Variants in OCA2 observed in about 807,000 individuals in gnomAD.
The protein encoded by OCA2 is OCA2 melanosomal transmembrane protein.
In OCA2, 77 loss-of-function variants were observed where a neutral mutation model predicts 100.2. That is an observed-to-expected ratio of 0.77 (90% CI 0.64 to 0.93). The LOEUF is 0.93. Among genes scored for constraint, OCA2 ranks in the 40% least tolerant of loss-of-function variants. The probability of loss-of-function intolerance (pLI) is 0.00; values close to 1 mark genes in which losing one functional copy is unlikely to be tolerated. For missense variants in OCA2, 1,062 were observed against 1,089.1 expected (o/e 0.98, Z 0.35); for synonymous variants, 432 against 439.2 (o/e 0.98, Z 0.21).
chr15:27,746,578 C>T, the OCA2 span, among the ~76,000 whole-genome samples: 36,191 of 152,110 alleles, frequency 0.24, 4,940 homozygotes, highest in East Asian at 0.62. Context: ...TCCTCTTCTG[C>T]GGAACAACCC....
intron 19 of OCA2, among the ~76,000 whole-genome samples, 179 bp from the exon 20 acceptor site, chr15:27,872,101 C>T (rs77925103): frequency 6.6e-6 from 1 of 152,108 alleles, no homozygotes; most frequent in Non-Finnish European, 1.5e-5. Context: ...ATATGCACAA[C>T]GAAGATTCAT....
chr15:27,868,073 G>A (rs1251269565), intron 21 of OCA2, among the ~76,000 whole-genome samples: 1 of 152,134 alleles, frequency 6.6e-6, no homozygotes, highest in South Asian at 2.1e-4. Context: ...AGCCAAACAC[G>A]GAGTGACCGA....
intron 2 of OCA2, among the ~76,000 whole-genome samples, chr15:28,052,752 A>C (rs1429413736): frequency 6.6e-6 from 1 of 152,246 alleles, no homozygotes; most frequent in African/African-American, 2.4e-5. Flanking sequence ...AGGCTTCGAC[A>C]AAATTCCAAA....
intron 2 of OCA2, among the ~76,000 whole-genome samples, chr15:28,077,864 G>A (rs190270857): frequency 2.0e-5 from 3 of 152,160 alleles, no homozygotes; most frequent in Admixed American, 1.3e-4. Context: ...GGTGGATCAC[G>A]AGGTCAGGAG....
In OCA2 at chr15:27,955,153, G is replaced by T; in HGVS notation, c.1842+5C>A. On this transcript the variant is annotated splice_donor_5th_base_variant and intron_variant, in intron 17 of 23. Transcript: ENST00000354638. ...AGAAATCCCTGAGGAAAGAAAGCTG[G>T]GTACCTTTTTTTGGAGTTCTTGGAT... 6.2e-7 allele frequency: 1 copy of T among 1,604,244 alleles called. No homozygotes were observed. The highest frequency in any genetic ancestry group is 8.5e-7 in the Non-Finnish European group (1 of 1,170,988).
chr15:27,734,847 T>C, the OCA2 span, among the ~76,000 whole-genome samples: 1 of 152,290 alleles, frequency 6.6e-6, no homozygotes, highest in East Asian at 1.9e-4. Flanking sequence ...TCTAAACAGG[T>C]TGACTGCTGA....
chr15:27,859,941 T>A (rs911068582), intron 21 of OCA2, among the ~76,000 whole-genome samples: 1 of 152,058 alleles, frequency 6.6e-6, no homozygotes, highest in Non-Finnish European at 1.5e-5. Flanking sequence ...AGGTTTTCTG[T>A]GAGAAAAAGA....
chr15:28,055,450 C>T (rs976803339), intron 2 of OCA2, among the ~76,000 whole-genome samples: 3 of 152,202 alleles, frequency 2.0e-5, no homozygotes, highest in East Asian at 1.9e-4. Context: ...CCCTGAGAAC[C>T]GCTCATTGCA....
the OCA2 span, among the ~76,000 whole-genome samples, chr15:27,725,027 T>C: frequency 6.6e-6 from 1 of 152,068 alleles, no homozygotes; most frequent in Admixed American, 6.6e-5. Flanking sequence ...TCAACTCTGC[T>C]CTGAAGCAGA....
chr15:27,861,883 G>A (rs965688250), intron 21 of OCA2, among the ~76,000 whole-genome samples: 2 of 152,170 alleles, frequency 1.3e-5, no homozygotes, highest in Non-Finnish European at 2.9e-5. Flanking sequence ...AAGAATAAAT[G>A]ATGCAGGGAG....
chr15:27,997,238 G>A (rs370204497), intron 9 of OCA2, among the ~76,000 whole-genome samples: 316 of 82,090 alleles, frequency 3.8e-3, no homozygotes, highest in Non-Finnish European at 8.4e-3. Context: ...AGGAAGGAAG[G>A]AGGAAAGAAA....
intron 5 of OCA2, 95 bp from the exon 6 acceptor site, chr15:28,022,668 G>T: frequency 1.1e-6 from 1 of 884,636 alleles, no homozygotes; most frequent in Non-Finnish European, 1.9e-6. Flanking sequence ...ATGTGATGAT[G>T]GGGCTACTGT....
At chr15:27,888,735 T>G (rs976854764) in intron 19 of OCA2, among the ~76,000 whole-genome samples, 1 of 152,160 alleles carries the variant, frequency 6.6e-6, no homozygotes, top group Non-Finnish European at 1.5e-5. Context: ...ATCTCTTCCT[T>G]GAAGAAGGCC....
At chr15:27,998,269 G>GA (rs1429497394) in intron 9 of OCA2, among the ~76,000 whole-genome samples, 1 of 87,818 alleles carries the variant, frequency 1.1e-5, no homozygotes, top group African/African-American at 2.7e-5. Flanking sequence ...GCAACCTATA[G>GA]AATGGGAGAA....
chr15:27,989,060 T>C (rs1342383043), intron 11 of OCA2, among the ~76,000 whole-genome samples: 1 of 152,192 alleles, frequency 6.6e-6, no homozygotes, highest in Non-Finnish European at 1.5e-5. Flanking sequence ...CTGCCCCTGC[T>C]GCCCAGGCTC....
At chr15:27,770,752 T>TCCTTCCTCTCTCCCTCCCTC (rs2031677505) in intron 23 of OCA2, among the ~76,000 whole-genome samples, 1 of 76,208 alleles carries the variant, frequency 1.3e-5, no homozygotes, top group Non-Finnish European at 4.1e-5. Flanking sequence ...TTTCCTTCCT[T>TCCTTCCTCTCTCCCTCCCTC]CCTTCCTCTC....
chr15:27,725,857 A>C, the OCA2 span, among the ~76,000 whole-genome samples: 3 of 152,104 alleles, frequency 2.0e-5, no homozygotes, highest in Admixed American at 6.5e-5. Context: ...GAGTTCTCAA[A>C]AAAAGTTCAT....
chr15:27,814,945 T>TAGATAGATAGATAGATAGATAGAG (rs71132822), intron 23 of OCA2, among the ~76,000 whole-genome samples: 10 of 107,352 alleles, frequency 9.3e-5, no homozygotes, highest in East Asian at 2.5e-4. Flanking sequence ...GATAGATAGA[T>TAGATAGATAGATAGATAGATAGAG]ACAGAGATAT....
chr15:28,014,138 C>T (rs1453602638), intron 9 of OCA2, among the ~76,000 whole-genome samples: 2 of 152,136 alleles, frequency 1.3e-5, no homozygotes, highest in Admixed American at 6.5e-5. Flanking sequence ...GGCTCCTGTC[C>T]GTGTTGTGGT....
Sources: gnomAD v4.1 joint callset for allele counts (sites outside exome capture counted in the v4.1 genomes callset) on GRCh38, gnomAD v4.1.1 for gene constraint, MANE v1.5 for transcripts, NCBI Gene and HGNC (gene_info 2026-07-23, HGNC 2026-07-21) for gene names.